Variants in WDR43 observed in about 807,000 individuals in gnomAD.
The protein encoded by WDR43 is WD repeat domain 43.
In WDR43, 13 loss-of-function variants were observed where a neutral mutation model predicts 91.4. The ratio of observed to expected loss-of-function variants is 0.14; its 90% CI spans 0.09 to 0.23. The LOEUF (loss-of-function observed/expected upper bound fraction) is 0.23, where lower values mean the gene tolerates loss of function less well. WDR43 is among the 10% of genes least tolerant of loss of function. The pLI is 1.00. For synonymous variants in WDR43, 331 were observed against 287.9 expected (o/e 1.15, Z -1.51); for missense variants, 780 against 809.4 (o/e 0.96, Z 0.44).
At chr2:28,929,546 G>T (rs1444095100) in intron 10 of WDR43, 33 bp from the exon 11 acceptor site, 4 of 1,495,990 alleles carry the variant, frequency 2.7e-6, no homozygotes, top group South Asian at 1.4e-5. Context: ...AGTCTTGTCT[G>T]GTAACACATT....
At position 28,940,659 on chromosome 2, in the gene WDR43, T is replaced by A. The variant is rs7594999; in HGVS notation, c.1621-802T>A. ...TTCCTTTAAAAAGAGGCATTTAAATTTTTCCAGTTGCTTTTTATAGTTGAT... is the reference window on the plus strand; with the variant it reads ...TTCCTTTAAAAAGAGGCATTTAAATATTTCCAGTTGCTTTTTATAGTTGAT... On this transcript the variant is annotated intron_variant, in intron 14 of 17. Transcript: ENST00000407426. Among the ~76,000 whole-genome samples the A allele has an allele frequency of 2.4e-3, 360 of 152,320 alleles. 2 individuals are homozygous for A. Among genetic ancestry groups the A allele is most frequent in the African/African-American group, 8.1e-3 (336 of 41,574 alleles).
intron 10 of WDR43, among the ~76,000 whole-genome samples, chr2:28,928,315 TC>T (rs1395542798): frequency 1.3e-5 from 2 of 152,182 alleles, no homozygotes; most frequent in African/African-American, 4.8e-5. Context: ...TCTTTTTTTT[TC>T]TTTGTCCAAT....
At chr2:28,922,433 A>G (rs918239505) in intron 6 of WDR43, among the ~76,000 whole-genome samples, 4 of 152,146 alleles carry the variant, frequency 2.6e-5, no homozygotes, top group Admixed American at 2.6e-4. Context: ...TCACATTGAT[A>G]GTGAATGGAG....
intron 10 of WDR43, 49 bp from the exon 11 acceptor site, chr2:28,929,530 A>G: frequency 1.0e-5 from 15 of 1,466,018 alleles, no homozygotes; most frequent in Non-Finnish European, 1.4e-5. Context: ...TCTCCAAACT[A>G]CTTTAAGTCT....
In WDR43 at chr2:28,947,044, TTATAA is replaced by T. The variant is rs1260451205; in HGVS notation, c.*274_*278del. The stretch of plus-strand genomic sequence containing the variant: ...TCAGTGTCCAATATATGGTATATTT[TTATAA>T]TATAATATCCTAGTATGATTGGTTA... On this transcript the variant is annotated 3_prime_UTR_variant, in exon 18 of 18. Coordinates refer to ENST00000407426, the MANE Select transcript of WDR43 (RefSeq NM_015131.3). The T allele has an allele frequency of 7.4e-6, 2 of 270,900 alleles. No individual in the cohort carries two copies. The highest frequency in any genetic ancestry group is 1.4e-5 in the Non-Finnish European group (2 of 144,980). The allele number at this position is 270,900 out of a possible 1,614,324, so 16.8% of individuals were successfully genotyped here.
At position 28,946,806 on chromosome 2, in the gene WDR43, A is replaced by T; in HGVS notation, c.*27A>T. 21 of 1,545,738 alleles carry T rather than the reference A, an allele frequency of 1.4e-5. No homozygotes were observed. The highest frequency in any genetic ancestry group is 1.8e-5 in the Non-Finnish European group (21 of 1,149,440). On this transcript the variant is annotated 3_prime_UTR_variant, in exon 18 of 18. Transcript: ENST00000407426. The stretch of plus-strand genomic sequence containing the variant: ...GACAGCAAAGCAAGCCGGTCAAACT[A>T]TATAAACTCTGGCTCACCTTGCCCA...
At chr2:28,943,835 C>T (rs1210703921) in intron 16 of WDR43, among the ~76,000 whole-genome samples, 2 of 152,152 alleles carry the variant, frequency 1.3e-5, no homozygotes, top group African/African-American at 4.8e-5. Flanking sequence ...TGAAAATGGT[C>T]AGGTGTTGGC....
At chr2:28,918,378 A>AT (rs1260661510) in intron 6 of WDR43, among the ~76,000 whole-genome samples, 1 of 146,050 alleles carries the variant, frequency 6.8e-6, no homozygotes, top group African/African-American at 2.6e-5. Context: ...TTCTTTTTTC[A>AT]TTTTTTTGAG....
intron 2 of WDR43, among the ~76,000 whole-genome samples, chr2:28,903,262 A>G (rs1398235098): frequency 6.6e-6 from 1 of 152,150 alleles, no homozygotes; most frequent in Non-Finnish European, 1.5e-5. Context: ...AGATTTTTAA[A>G]TTGTTGTAAA....
Position 28,946,589 on chromosome 2 carries a change from A to C in WDR43, c.1855-11A>C. On this transcript the variant is annotated splice_polypyrimidine_tract_variant and intron_variant, in intron 17 of 17. Transcript: ENST00000407426. ...CTTCATGAATGCTTTCCTTGTTGGT[A>C]TTTCGACTAGGATAATTGGGATGAA... 1.3e-6 allele frequency: 2 copies of C among 1,563,388 alleles called. No individual in the cohort carries two copies. Among genetic ancestry groups the C allele is most frequent in the African/African-American group, 1.4e-5 (1 of 73,882 alleles).
In WDR43 at chr2:28,942,018, C is replaced by G. The variant is rs553655944; in HGVS notation, c.1735-294C>G. Among the ~76,000 whole-genome samples the G allele has an allele frequency of 5.3e-5, 8 of 152,296 alleles. No individual in the cohort carries two copies. In the East Asian group the frequency reaches 1.5e-3, roughly 29 times the overall value. ...TTTCAACTTTTACTCAAATCTTTTT[C>G]TCACCATTGTGTTTCAGTTGTTATA... On this transcript the variant is annotated intron_variant, in intron 15 of 17. Transcript: ENST00000407426.
At chr2:28,916,126 TAATG>T in intron 5 of WDR43, among the ~76,000 whole-genome samples, 1 of 152,354 alleles carries the variant, frequency 6.6e-6, no homozygotes, top group East Asian at 1.9e-4. Flanking sequence ...ACAAACAAGA[TAATG>T]AATGTGTTTC....
In WDR43 at chr2:28,912,718, A is replaced by T; in HGVS notation, c.606+8A>T. The T allele has an allele frequency of 6.2e-7, 1 of 1,610,250 alleles. No individual in the cohort carries two copies. On this transcript the variant is annotated splice_region_variant and intron_variant, in intron 4 of 17. Transcript: ENST00000407426. ...ACCAAAGAAGTCTACAGGGTGAGCG[A>T]ATCAAATTATTTGTAAGCATAAAAA... is the stretch of plus-strand genomic sequence containing the variant.
chr2:28,945,345 T>C (rs997462634), intron 16 of WDR43, among the ~76,000 whole-genome samples: 5 of 152,244 alleles, frequency 3.3e-5, no homozygotes, highest in Admixed American at 1.3e-4. Flanking sequence ...TCTCCAGTTA[T>C]CCGTAAAATA....
rs1211114255 is a variant in WDR43 at position 28,914,111 on chromosome 2, A to G, written c.649A>G (p.Thr217Ala). Residue 217 changes from threonine to alanine, a missense_variant, in exon 5 of 18, where the codon ACT (threonine) becomes GCT (alanine). Around this residue, in one of 4 missense-constraint regions of WDR43, gnomAD observed 174 missense variants for 207.3 expected, o/e 0.84. Transcript: ENST00000407426. ...HATPVSSLMF[T>A]TIRPPNESQP... is the part of the protein sequence containing the mutation. ...AACGCCAGTTTCGTCACTGATGTTCACTACCATCAGACCTCCTAATGAGAG... is the reference window on the plus strand; with the variant it reads ...AACGCCAGTTTCGTCACTGATGTTCGCTACCATCAGACCTCCTAATGAGAG... The G allele has an allele frequency of 6.2e-7, 1 of 1,613,894 alleles. No homozygotes were observed. The highest frequency in any genetic ancestry group is 8.5e-7 in the Non-Finnish European group (1 of 1,179,840).
chr2:28,909,509 T>C (rs1015048138), intron 3 of WDR43, among the ~76,000 whole-genome samples: 15 of 152,168 alleles, frequency 9.9e-5, no homozygotes, highest in African/African-American at 3.6e-4. Context: ...GCCTCTTTTA[T>C]GTTTAAGGCA....
At chr2:28,938,408 T>G (rs946156365) in intron 14 of WDR43, among the ~76,000 whole-genome samples, 3 of 152,180 alleles carry the variant, frequency 2.0e-5, no homozygotes, top group Non-Finnish European at 4.4e-5. Flanking sequence ...CATAAATATT[T>G]GCTACCTGAC....
chr2:28,938,423 T>C (rs1052202683), intron 14 of WDR43, among the ~76,000 whole-genome samples: 2 of 151,572 alleles, frequency 1.3e-5, no homozygotes, highest in Non-Finnish European at 2.9e-5. Flanking sequence ...CCTGACAATT[T>C]GCTGGTGCTG....
At position 28,947,728 on chromosome 2, in the gene WDR43, C is replaced by T. The variant is rs1201306345; in HGVS notation, c.*949C>T. 1 of 151,060 alleles carries T rather than the reference C, an allele frequency of 6.6e-6. No individual in the cohort carries two copies. Among genetic ancestry groups the T allele is most frequent in the East Asian group, 1.9e-4 (1 of 5,168 alleles). 9.4% of individuals were successfully genotyped at this position (151,060 alleles called of 1,614,324 possible). On this transcript the variant is annotated 3_prime_UTR_variant, in exon 18 of 18. Coordinates refer to ENST00000407426, the MANE Select transcript of WDR43 (RefSeq NM_015131.3). ...TATAATTAAATAATTTAATGTTTTT[C>T]TTCCTTTTCATTACCTACTCTTGGC...
Sources: allele counts gnomAD v4.1 joint callset (sites outside exome capture counted in the v4.1 genomes callset), GRCh38; gene constraint gnomAD v4.1.1; regional missense constraint gnomAD v4.1.1; transcripts MANE v1.5; gene names NCBI Gene and HGNC (gene_info 2026-07-23, HGNC 2026-07-21).